CACNA1S: variants seen among roughly 807,000 people sequenced by gnomAD.
CACNA1S encodes calcium voltage-gated channel subunit alpha1 S, also known as voltage-dependent L-type calcium channel subunit alpha-1S.
Under a neutral mutation model 207.4 loss-of-function variants are expected in CACNA1S, and 126 were observed. That is an observed-to-expected ratio of 0.61 (90% CI 0.53 to 0.70). The LOEUF is 0.70. CACNA1S is among the 30% of genes least tolerant of loss of function. The pLI, the probability that CACNA1S is intolerant of heterozygous loss-of-function variation, is 0.00. For missense variants in CACNA1S, 2,349 were observed against 2,422.8 expected (o/e 0.97, Z 0.64); for synonymous variants, 960 against 932.7 (o/e 1.03, Z -0.53).
chr1:201,041,379 G>A, intron 41 of CACNA1S, 125 bp downstream of exon 41: 2 of 746,094 alleles, frequency 2.7e-6, no homozygotes, highest in Non-Finnish European at 4.8e-6. Context: ...CCAGATGACT[G>A]CCATTGTAAC....
In CACNA1S at chr1:201,066,316, C is replaced by A; in HGVS notation, c.2658G>T (p.Glu886Asp). The A allele has an allele frequency of 6.2e-7, 1 of 1,610,202 alleles. No individual in the cohort carries two copies. ...VAVSLISMGL[E>D]SSAISVVKIL... ...TCTTCACCACGGAGATGGCACTGGA[C>A]CTGGGGGGCGGCAATGGTGAGGGGG... is the stretch of plus-strand genomic sequence containing the variant. Residue 886 changes from glutamate (E) to aspartate (D), a missense_variant and splice_region_variant, in exon 21 of 44, where the codon GAG becomes GAT. Physicochemically the swap from Glu to Asp is conservative, Grantham distance 45. Coordinates refer to ENST00000362061, the MANE Select transcript of CACNA1S (RefSeq NM_000069.3). This position sits in a 1 kb window ranked among gnomAD's most constrained non-coding sequence, Gnocchi z 4.3.
intron 28 of CACNA1S, among the ~76,000 whole-genome samples, chr1:201,055,122 C>T (rs557822570): frequency 1.3e-5 from 2 of 152,318 alleles, no homozygotes; most frequent in South Asian, 4.1e-4. Flanking sequence ...TCTTGAAGAG[C>T]AGGTGGGTAG....
intron 36 of CACNA1S, 21 bp downstream of exon 36, chr1:201,048,561 C>A: frequency 1.3e-6 from 2 of 1,555,518 alleles, no homozygotes; most frequent in South Asian, 2.2e-5. Flanking sequence ...GGAGGGGGCT[C>A]ACATTGGAAG....
At chr1:201,044,955 G>A (rs1660425922) in intron 38 of CACNA1S, among the ~76,000 whole-genome samples, 1 of 152,232 alleles carries the variant, frequency 6.6e-6, no homozygotes, top group Admixed American at 6.5e-5. Flanking sequence ...CTCTGGGATA[G>A]CCCACACCTT....
In CACNA1S at chr1:201,051,045, G is replaced by A. The variant is rs1179391647; in HGVS notation, c.4052C>T (p.Thr1351Ile). 1 of 1,614,236 alleles carries A rather than the reference G, an allele frequency of 6.2e-7. No homozygotes were observed. Among genetic ancestry groups the A allele is most frequent in the South Asian group, 1.1e-5 (1 of 91,086 alleles). The change falls in exon 33 of 44, where the codon ACA becomes ATA. Residue 1351 changes from threonine (T) to isoleucine (I), a missense_variant. Physicochemically the swap from Thr to Ile is moderately conservative, Grantham distance 89 (BLOSUM62 -1). Transcript: ENST00000362061. ...ESDYAPGEEY[T>I]CGTNFAYYYF... ...GTAGTATGCAAAGTTGGTGCCACAT[G>A]TGTACTCCTCCCCTGGGGCATAGTC... is the stretch of plus-strand genomic sequence containing the variant.
intron 6 of CACNA1S, 80 bp downstream of exon 6, chr1:201,089,178 C>A: frequency 2.9e-6 from 4 of 1,375,164 alleles, no homozygotes; most frequent in Non-Finnish European, 4.1e-6. Flanking sequence ...CCTGTGTGGA[C>A]TGGCAAGCCC....
Position 201,093,890 on chromosome 1 carries a change from G to A in CACNA1S, c.390C>T (p.Val130=), listed in dbSNP as rs371424022. 6.2e-7 allele frequency: 1 copy of A among 1,614,120 alleles called. No individual in the cohort carries two copies. Among genetic ancestry groups the A allele is most frequent in the Non-Finnish European group, 8.5e-7 (1 of 1,180,032 alleles). Residue 130 remains valine, a synonymous_variant, in exon 3 of 44, where the codon GTC becomes GTT. Transcript: ENST00000362061. ...CCACACCCAGCTCTCACCCCAGGAA[G>A]ACAATGGTGAAGTCCAGCACATTCC... ...SGWNVLDFTI[V]FLGVFTVILE... is the part of the protein sequence containing the mutation.
intron 2 of CACNA1S, among the ~76,000 whole-genome samples, chr1:201,108,243 C>G (rs958171443): frequency 6.6e-6 from 1 of 151,760 alleles, no homozygotes; most frequent in African/African-American, 2.4e-5. Flanking sequence ...GTAGATGGAA[C>G]AAGAGGCATG....
At chr1:201,044,239 C>G (rs530143604) in intron 39 of CACNA1S, 89 bp downstream of exon 39, 3 of 1,551,012 alleles carry the variant, frequency 1.9e-6, no homozygotes, top group Non-Finnish European at 8.8e-7. Context: ...GTCCCCCTCT[C>G]GTGTGGCTGG....
At chr1:201,049,715 A>T (rs1201271490) in intron 34 of CACNA1S, among the ~76,000 whole-genome samples, 1 of 152,174 alleles carries the variant, frequency 6.6e-6, no homozygotes, top group African/African-American at 2.4e-5. Flanking sequence ...CAGAGGGCTG[A>T]ATGAGGACCT....
intron 10 of CACNA1S, among the ~76,000 whole-genome samples, chr1:201,081,977 A>G (rs1254655800): frequency 6.6e-6 from 1 of 151,308 alleles, no homozygotes; most frequent in African/African-American, 2.4e-5. Flanking sequence ...AGCCTGCAGA[A>G]CTGTGAGCCA....
chr1:201,042,813 G>A, intron 40 of CACNA1S: 1 of 178,844 alleles, frequency 5.6e-6, no homozygotes. Context: ...CCCTCATCCT[G>A]CTGTTTTTTA....
chr1:201,095,012 C>G (rs934829751), intron 2 of CACNA1S, among the ~76,000 whole-genome samples: 7 of 152,086 alleles, frequency 4.6e-5, no homozygotes, highest in African/African-American at 1.7e-4. Context: ...GGCTTGGCAG[C>G]TTCTAAGAGC....
At chr1:201,078,517 CAAAA>C (rs10581578) in intron 10 of CACNA1S, among the ~76,000 whole-genome samples, 22,339 of 121,796 alleles carry the variant, frequency 0.18, 2,042 homozygotes, top group African/African-American at 0.29. Context: ...AAATTAGCTT[CAAAA>C]AAAAAAAAAA....
At chr1:201,107,781 G>C (rs1662951757) in intron 2 of CACNA1S, among the ~76,000 whole-genome samples, 1 of 152,296 alleles carries the variant, frequency 6.6e-6, no homozygotes, top group Middle Eastern at 3.4e-3. Context: ...GGACCCCTGA[G>C]CTCGAAGGTG....
At chr1:201,087,094 G>T (rs1389996290) in intron 7 of CACNA1S, among the ~76,000 whole-genome samples, 4 of 152,220 alleles carry the variant, frequency 2.6e-5, no homozygotes, top group African/African-American at 9.7e-5. Flanking sequence ...CTGTGCTGGG[G>T]TGGGTGGAGG....
rs114191482 is a variant in CACNA1S at position 201,077,036 on chromosome 1, C to T, written c.1711G>A (p.Val571Ile). 709 of 1,614,040 alleles carry T rather than the reference C, an allele frequency of 4.4e-4. 1 individual carries two copies. In the African/African-American group the frequency reaches 8.2e-3, roughly 19 times the overall value. The change falls in exon 12 of 44, where the codon GTC becomes ATC. Residue 571 changes from valine to isoleucine, a missense_variant. Physicochemically the swap from Val to Ile is conservative, Grantham distance 29 (BLOSUM62 3). Coordinates refer to ENST00000362061, the MANE Select transcript of CACNA1S (RefSeq NM_000069.3). ...SLLLLLFLFI[V>I]IFALLGMQLF... is the part of the protein sequence containing the mutation. ...TGCATGCCCAGGAGGGCGAAGATGA[C>T]GATGAAGAGGAAGAGCAGCAGCAGC...
At position 201,050,525 on chromosome 1, in the gene CACNA1S, G is replaced by A; in HGVS notation, c.4114-9C>T. The stretch of plus-strand genomic sequence containing the variant: ...ACAAAGAGGTTGATGACCTGCAAGA[G>A]AAGAACCAAGGGGTCCCAACACAGA... On this transcript the variant is annotated splice_polypyrimidine_tract_variant and intron_variant, in intron 33 of 43. Transcript: ENST00000362061. The A allele has an allele frequency of 1.9e-6, 3 of 1,613,984 alleles. No individual in the cohort carries two copies. Among genetic ancestry groups the A allele is most frequent in the Non-Finnish European group, 2.5e-6 (3 of 1,179,944 alleles).
rs140634656 is a variant in CACNA1S at position 201,096,136 on chromosome 1, C to T, written c.259-2115G>A. On this transcript the variant is annotated intron_variant, in intron 2 of 43. Transcript: ENST00000362061. ...GCACCTGCCACTGCCTGTCTGGCTGCGGCCTGGCTCAGAGAGAGCTTGTCA... is the reference window on the plus strand; with the variant it reads ...GCACCTGCCACTGCCTGTCTGGCTGTGGCCTGGCTCAGAGAGAGCTTGTCA... 5.0e-3 allele frequency among the ~76,000 whole-genome samples: 763 copies of T among 152,310 alleles called. 8 individuals carry two copies. Among genetic ancestry groups the T allele is most frequent in the African/African-American group, 0.017 (724 of 41,570 alleles).
Sources: allele counts gnomAD v4.1 joint callset (sites outside exome capture counted in the v4.1 genomes callset), GRCh38; gene constraint gnomAD v4.1.1; non-coding constraint Gnocchi (gnomAD v3.1); transcripts MANE v1.5; gene names NCBI Gene and HGNC (gene_info 2026-07-23, HGNC 2026-07-21).